SESTD1: variants seen among roughly 807,000 people sequenced by gnomAD.
The protein encoded by SESTD1 is SEC14 domain and spectrin repeat-containing protein 1.
A neutral mutation model predicts 101.7 loss-of-function variants in SESTD1; 43 were observed. That is an observed-to-expected ratio of 0.42 (90% CI 0.33 to 0.55). The LOEUF (loss-of-function observed/expected upper bound fraction) is 0.55. Ranked by LOEUF, SESTD1 falls within the 20% of genes least tolerant of loss-of-function variation. The probability of loss-of-function intolerance (pLI) is 0.07; values close to 1 mark genes in which losing one functional copy is unlikely to be tolerated. For synonymous variants in SESTD1, 283 were observed against 286.8 expected (o/e 0.99, Z 0.13); for missense variants, 647 against 815.1 (o/e 0.79, Z 2.51).
chr2:179,204,685 T>C (rs1414966433), intron 1 of SESTD1, among the ~76,000 whole-genome samples: 1 of 135,554 alleles, frequency 7.4e-6, no homozygotes, highest in Non-Finnish European at 1.6e-5. Context: ...CATACAGACA[T>C]GCCACTGCCT....
intron 1 of SESTD1, among the ~76,000 whole-genome samples, chr2:179,215,964 T>C (rs1559147071): frequency 1.5e-5 from 2 of 134,652 alleles, no homozygotes; most frequent in Non-Finnish European, 1.6e-5. Context: ...AAACTCTCAA[T>C]ACTAGGTATT....
intron 5 of SESTD1, among the ~76,000 whole-genome samples, chr2:179,163,872 C>T (rs551471941): frequency 1.3e-5 from 2 of 152,096 alleles, no homozygotes; most frequent in African/African-American, 4.8e-5. Flanking sequence ...TTTTAACTTG[C>T]AGAAAGATTA....
At chr2:179,196,730 G>C (rs1029466430) in intron 1 of SESTD1, among the ~76,000 whole-genome samples, 12 of 152,186 alleles carry the variant, frequency 7.9e-5, no homozygotes, top group South Asian at 2.1e-4. Flanking sequence ...TACTCCAACA[G>C]ACCTGCAGCT....
At chr2:179,199,010 T>C (rs1403510419) in intron 1 of SESTD1, among the ~76,000 whole-genome samples, 1 of 152,028 alleles carries the variant, frequency 6.6e-6, no homozygotes, top group Non-Finnish European at 1.5e-5. Context: ...AATTAAAGAA[T>C]CCAGGACCTG....
chr2:179,123,964 G>A (rs921569980), intron 11 of SESTD1, 135 bp from the exon 12 acceptor site: 7 of 619,206 alleles, frequency 1.1e-5, no homozygotes, highest in Admixed American at 3.0e-5. Flanking sequence ...AGACAAGGAC[G>A]AATCATTAGA....
chr2:179,199,013 A>C (rs1018461872), intron 1 of SESTD1, among the ~76,000 whole-genome samples: 1 of 152,248 alleles, frequency 6.6e-6, no homozygotes, highest in Admixed American at 6.5e-5. Flanking sequence ...TAAAGAATCC[A>C]GGACCTGGTT....
intron 3 of SESTD1, 147 bp from the exon 4 acceptor site, chr2:179,176,685 C>A (rs1428889829): frequency 7.8e-6 from 4 of 511,950 alleles, no homozygotes; most frequent in Non-Finnish European, 9.9e-6. Context: ...AAATAAAATT[C>A]TTGAGAGTAT....
chr2:179,191,959 T>C, intron 1 of SESTD1, 93 bp from the exon 2 acceptor site: 1 of 802,756 alleles, frequency 1.2e-6, no homozygotes, highest in Non-Finnish European at 2.1e-6. Flanking sequence ...TTTCTAAACC[T>C]GAGAACTACT....
intron 2 of SESTD1, among the ~76,000 whole-genome samples, chr2:179,191,525 G>A (rs1424338874): frequency 6.6e-6 from 1 of 151,900 alleles, no homozygotes; most frequent in Non-Finnish European, 1.5e-5. Context: ...CCAAACCTTA[G>A]TATCATGTAA....
chr2:179,249,942 G>A (rs539752687), intron 1 of SESTD1, among the ~76,000 whole-genome samples: 3 of 148,286 alleles, frequency 2.0e-5, no homozygotes, highest in South Asian at 2.1e-4. Flanking sequence ...ACACAAAATC[G>A]ATCATGGACT....
rs777665590 is a variant in SESTD1, at chr2:179,103,688, CAGAAA to C, written c.*6206_*6210del. The C allele has an allele frequency of 3.3e-5, 5 of 151,958 alleles. No homozygotes were observed. Among genetic ancestry groups the C allele is most frequent in the Non-Finnish European group, 7.4e-5 (5 of 67,976 alleles). 9.4% of individuals were successfully genotyped at this position (151,958 alleles called of 1,614,324 possible). On this transcript the variant is annotated 3_prime_UTR_variant, in exon 18 of 18. Transcript: ENST00000428443. Reference sequence around the variant, plus strand: ...ACTCTATTTATATAAAGTTTTAGAACAGAAAAATCTTATGGTAGAAAAAGGAACAG... The same window carrying C: ...ACTCTATTTATATAAAGTTTTAGAACAATCTTATGGTAGAAAAAGGAACAG...
At chr2:179,228,185 A>G (rs1006510470) in intron 1 of SESTD1, among the ~76,000 whole-genome samples, 2 of 152,168 alleles carry the variant, frequency 1.3e-5, no homozygotes, top group African/African-American at 4.8e-5. Flanking sequence ...GGCGGCCTCT[A>G]TAACATGACA....
chr2:179,211,725 G>C (rs1371706948), intron 1 of SESTD1, among the ~76,000 whole-genome samples: 2 of 134,228 alleles, frequency 1.5e-5, no homozygotes, highest in East Asian at 4.0e-4. Context: ...GATGCAGATG[G>C]ACACCATTAT....
At chr2:179,152,663 G>A (rs895882307) in intron 5 of SESTD1, among the ~76,000 whole-genome samples, 1 of 152,044 alleles carries the variant, frequency 6.6e-6, no homozygotes, top group African/African-American at 2.4e-5. Flanking sequence ...CTGCTTTGCC[G>A]GAAGAGGGAA....
intron 11 of SESTD1, among the ~76,000 whole-genome samples, chr2:179,124,103 T>C (rs1244540797): frequency 6.6e-6 from 1 of 152,076 alleles, no homozygotes; most frequent in African/African-American, 2.4e-5. Context: ...AGCATAAACA[T>C]TGAGAAGGAG....
In SESTD1 at chr2:179,107,931, C is replaced by T. The variant is rs1212834496; in HGVS notation, c.*1968G>A. On this transcript the variant is annotated 3_prime_UTR_variant, in exon 18 of 18. Transcript: ENST00000428443. ...GAAGATGATTCAAGTATAGAAAGAA[C>T]TTCCTGGATGTTCTCAGAAGCAGTG... 1 of 152,134 alleles carries T rather than the reference C, an allele frequency of 6.6e-6. No individual in the cohort carries two copies. The highest frequency in any genetic ancestry group is 1.5e-5 in the Non-Finnish European group (1 of 68,022). The allele number at this position is 152,134 out of a possible 1,614,324, so 9.4% of individuals were successfully genotyped here.
intron 8 of SESTD1, among the ~76,000 whole-genome samples, chr2:179,145,517 A>G (rs2045375542): frequency 6.6e-6 from 1 of 152,232 alleles, no homozygotes; most frequent in South Asian, 2.1e-4. Context: ...TAAAAAAAAG[A>G]TCAGAAATAA....
intron 10 of SESTD1, among the ~76,000 whole-genome samples, 156 bp from the exon 11 acceptor site, chr2:179,124,714 A>G (rs1684461792): frequency 6.6e-6 from 1 of 151,924 alleles, no homozygotes; most frequent in South Asian, 2.1e-4. Context: ...TAATCCTGTG[A>G]TCCCTGGAAC....
At chr2:179,176,669 G>A (rs1575463107) in intron 3 of SESTD1, 131 bp from the exon 4 acceptor site, 4 of 530,096 alleles carry the variant, frequency 7.5e-6, no homozygotes, top group East Asian at 3.3e-5. Context: ...AGTTTACATT[G>A]TCAATAAATA....
Sources: allele counts gnomAD v4.1 joint callset (sites outside exome capture counted in the v4.1 genomes callset), GRCh38; gene constraint gnomAD v4.1.1; transcripts MANE v1.5; gene names NCBI Gene and HGNC (gene_info 2026-07-23, HGNC 2026-07-21).